Variants in GALNT2 observed in about 807,000 individuals in gnomAD.
The protein encoded by GALNT2 is polypeptide N-acetylgalactosaminyltransferase 2.
In GALNT2, 31 loss-of-function variants were observed where a neutral mutation model predicts 81.4. The observed-to-expected ratio is 0.38, with a 90% CI of 0.29 to 0.51. The LOEUF is 0.51. Among genes scored for constraint, GALNT2 ranks in the 20% least tolerant of loss-of-function variants. GALNT2 has a pLI of 0.87. For synonymous variants in GALNT2, 303 were observed against 287.4 expected (o/e 1.05, Z -0.55); for missense variants, 629 against 765.7 (o/e 0.82, Z 2.11).
At chr1:230,075,002 G>A (rs1048188891) in intron 1 of GALNT2, among the ~76,000 whole-genome samples, 69 of 151,708 alleles carry the variant, frequency 4.5e-4, no homozygotes, top group African/African-American at 1.4e-3. Flanking sequence ...GGCCTCCCAT[G>A]CCCCTTCCTT....
chr1:230,163,902 C>G (rs1371032209), intron 1 of GALNT2, among the ~76,000 whole-genome samples: 1 of 152,150 alleles, frequency 6.6e-6, no homozygotes, highest in Non-Finnish European at 1.5e-5. Context: ...GACACGGGGT[C>G]AGTCTGTCTG....
rs560774301 is a variant in GALNT2 at position 230,109,380 on chromosome 1, C to T, written c.126+41974C>T. On this transcript the variant is annotated intron_variant, in intron 1 of 15. Coordinates refer to ENST00000366672, the MANE Select transcript of GALNT2 (RefSeq NM_004481.5). ...ACAGGAGTAGGCCACTCATGTGGGA[C>T]GTCAGGACTAGTGCCACAAAGGCAG... is the stretch of plus-strand genomic sequence containing the variant. Among the ~76,000 whole-genome samples the T allele has an allele frequency of 3.9e-5, 6 of 152,234 alleles. No homozygotes were observed. In the East Asian group the frequency reaches 7.7e-4, roughly 20 times the overall value.
At position 230,091,376 on chromosome 1, in the gene GALNT2, C is replaced by T. The variant is rs190996646; in HGVS notation, c.126+23970C>T. ...GGTGTGAGCCATTGTGCCCGGTCCT[C>T]AGCAAACCTTTTCTATCGGCCTATT... On this transcript the variant is annotated intron_variant, in intron 1 of 15. Transcript: ENST00000366672. Among the ~76,000 whole-genome samples, 82 of 152,162 alleles carry T rather than the reference C, an allele frequency of 5.4e-4. 2 individuals carry two copies. In the East Asian group the frequency reaches 0.015, roughly 28 times the overall value.
chr1:230,185,283 TGTGTGTGTGTGTGTGTGTGCGCGC>T (rs1354709825), intron 2 of GALNT2, among the ~76,000 whole-genome samples: 6 of 133,554 alleles, frequency 4.5e-5, no homozygotes, highest in Non-Finnish European at 7.9e-5. Context: ...CGTGTGTGTG[TGTGTGTGTGTGTGTGTGTGCGCGC>T]GTGTGTGTGT....
chr1:230,274,803 G>T (rs1666242196), intron 15 of GALNT2, among the ~76,000 whole-genome samples: 1 of 152,024 alleles, frequency 6.6e-6, no homozygotes, highest in Non-Finnish European at 1.5e-5. Flanking sequence ...AATTTAAAGA[G>T]AAATTATCTA....
At chr1:230,225,166 G>C (rs1234973101) in intron 3 of GALNT2, among the ~76,000 whole-genome samples, 1 of 152,184 alleles carries the variant, frequency 6.6e-6, no homozygotes, top group Non-Finnish European at 1.5e-5. Flanking sequence ...CATTATGACT[G>C]TTTGGAGGAT....
intron 1 of GALNT2, among the ~76,000 whole-genome samples, chr1:230,167,879 A>G (rs1451895895): frequency 6.6e-6 from 1 of 151,814 alleles, no homozygotes; most frequent in Non-Finnish European, 1.5e-5. Flanking sequence ...TTTTTTTCTT[A>G]CCTATTGGCA....
intron 6 of GALNT2, among the ~76,000 whole-genome samples, chr1:230,241,058 T>G (rs558460450): frequency 6.6e-6 from 1 of 152,322 alleles, no homozygotes; most frequent in East Asian, 1.9e-4. Flanking sequence ...TTTGATTCTT[T>G]TTTATAGTTT....
chr1:230,234,971 C>G (rs574248129), intron 3 of GALNT2, among the ~76,000 whole-genome samples: 32 of 152,072 alleles, frequency 2.1e-4, no homozygotes, highest in South Asian at 8.3e-4. Flanking sequence ...CCTAGCACTT[C>G]AGAAAGCTGA....
intron 1 of GALNT2, among the ~76,000 whole-genome samples, chr1:230,081,295 A>C (rs1374807891): frequency 6.6e-6 from 1 of 152,160 alleles, no homozygotes; most frequent in African/African-American, 2.4e-5. Context: ...AGGTAGCTTC[A>C]GGCCAGAACC....
At chr1:230,198,707 C>G (rs1445139515) in intron 2 of GALNT2, among the ~76,000 whole-genome samples, 2 of 152,168 alleles carry the variant, frequency 1.3e-5, no homozygotes, top group African/African-American at 4.8e-5. Context: ...GAATAATCAG[C>G]TGTAAGCTTC....
intron 1 of GALNT2, among the ~76,000 whole-genome samples, chr1:230,098,153 T>G (rs2102774451): frequency 6.6e-6 from 1 of 152,220 alleles, no homozygotes; most frequent in South Asian, 2.1e-4. Flanking sequence ...TTCATGGGGT[T>G]TATGAGGTTT....
rs1248284233 is a variant in GALNT2 at position 230,241,067 on chromosome 1, TTTTA to T, written c.608-2235_608-2232del. Among the ~76,000 whole-genome samples, 4 of 152,352 alleles carry T rather than the reference TTTTA, an allele frequency of 2.6e-5. No homozygotes were observed. In the East Asian group the frequency reaches 7.7e-4, roughly 29 times the overall value. ...TACCCATTTGATTCTTTTTTATAGT[TTTTA>T]TTTCTCTGCTCAGATTCCCCACCCA... On this transcript the variant is annotated intron_variant, in intron 6 of 15. Coordinates refer to ENST00000366672, the MANE Select transcript of GALNT2 (RefSeq NM_004481.5).
chr1:230,170,639 C>T (rs955238026), intron 1 of GALNT2, among the ~76,000 whole-genome samples: 1 of 152,126 alleles, frequency 6.6e-6, no homozygotes, highest in African/African-American at 2.4e-5. Flanking sequence ...TTATTTGGCT[C>T]ACGGTTCTGT....
intron 2 of GALNT2, among the ~76,000 whole-genome samples, chr1:230,189,032 G>A (rs1663433618): frequency 6.6e-6 from 1 of 152,132 alleles, no homozygotes; most frequent in South Asian, 2.1e-4. Flanking sequence ...AGGAGCAGGG[G>A]CAGCTGTAGG....
intron 8 of GALNT2, among the ~76,000 whole-genome samples, chr1:230,246,882 A>G (rs1434065259): frequency 6.6e-6 from 1 of 152,256 alleles, no homozygotes; most frequent in East Asian, 1.9e-4. Flanking sequence ...ACTATTCTAG[A>G]TAGACACTGG....
At chr1:230,067,685 C>T (rs1178082658) in intron 1 of GALNT2, among the ~76,000 whole-genome samples, 2 of 152,060 alleles carry the variant, frequency 1.3e-5, no homozygotes, top group Non-Finnish European at 1.5e-5. Flanking sequence ...GAGTCTTGTC[C>T]GGCCGCCGGG....
intron 1 of GALNT2, among the ~76,000 whole-genome samples, chr1:230,094,390 G>C (rs1040442544): frequency 6.6e-6 from 1 of 151,942 alleles, no homozygotes; most frequent in Non-Finnish European, 1.5e-5. Flanking sequence ...TTGGGAGGTC[G>C]AGGCGGGTGG....
chr1:230,274,483 G>C lies in GALNT2; in HGVS notation c.1479G>C (p.Met493Ile). 1 of 1,613,860 alleles carries C rather than the reference G, an allele frequency of 6.2e-7. No individual in the cohort carries two copies. Among genetic ancestry groups the C allele is most frequent in the Non-Finnish European group, 8.5e-7 (1 of 1,179,840 alleles). Residue 493 changes from methionine to isoleucine, a missense_variant, in exon 15 of 16, where the codon ATG becomes ATC. Met to Ile is a conservative substitution (Grantham distance 10). This residue lies in a region of GALNT2 where 207 missense variants were observed against 225.5 expected (regional missense o/e 0.92). Transcript: ENST00000366672. ...CGAAGGAGAAGTCGGTGAAGCACATGGATTTGTGCCTTACTGTGGTGGACC... is the reference window on the plus strand; with the variant it reads ...CGAAGGAGAAGTCGGTGAAGCACATCGATTTGTGCCTTACTGTGGTGGACC... ...ALTKEKSVKH[M>I]DLCLTVVDRA... is the part of the protein sequence containing the mutation.
Sources: gnomAD v4.1 joint callset for allele counts (sites outside exome capture counted in the v4.1 genomes callset) on GRCh38, gnomAD v4.1.1 for gene constraint, gnomAD v4.1.1 regional missense constraint, MANE v1.5 for transcripts, NCBI Gene and HGNC (gene_info 2026-07-23, HGNC 2026-07-21) for gene names.